SOCS7: variants seen among roughly 807,000 people sequenced by gnomAD.
SOCS7 encodes suppressor of cytokine signaling 7.
SOCS7 carries 18 observed loss-of-function variants against 58.9 expected under a neutral mutation model. The observed-to-expected ratio is 0.31, with a 90% CI of 0.21 to 0.45. The LOEUF (loss-of-function observed/expected upper bound fraction) is 0.45. SOCS7 is among the 20% of genes least tolerant of loss of function. The pLI, the probability that SOCS7 is intolerant of heterozygous loss-of-function variation, is 1.00. For missense variants in SOCS7, 667 were observed against 837.3 expected, an observed-to-expected ratio of 0.80 and a Z score of 2.51; for synonymous variants, 388 against 364.3, an observed-to-expected ratio of 1.06 and a Z score of -0.74.
intron 6 of SOCS7, among the ~76,000 whole-genome samples, chr17:38,369,674 CT>C (rs11299884): frequency 2.5e-3 from 317 of 125,962 alleles, no homozygotes; most frequent in East Asian, 3.7e-3. Flanking sequence ...TCTCCGATTA[CT>C]TTTTTTTTTT....
rs2037565103 is a variant in SOCS7 at position 38,352,361 on chromosome 17, C to T, written c.309C>T (p.Ala103=). The T allele has an allele frequency of 6.9e-7, 1 of 1,451,396 alleles. No homozygotes were observed. The highest frequency in any genetic ancestry group is 9.0e-7 in the Non-Finnish European group (1 of 1,113,772). 89.9% of individuals were successfully genotyped at this position (1,451,396 alleles called of 1,614,324 possible). A position where few individuals can be genotyped will look rare whatever the true frequency, so the allele number is the denominator to read the frequency against. ...ACCGCTGTGCCCTGGACCCCAAGGCCCTGCCGCCGGGCTTGGCGCTCGAGC... is the reference window on the plus strand; with the variant it reads ...ACCGCTGTGCCCTGGACCCCAAGGCTCTGCCGCCGGGCTTGGCGCTCGAGC... ...PRHRCALDPK[A]LPPGLALERT... Residue 103 remains alanine (A), a synonymous_variant, in exon 1 of 10, where the codon GCC becomes GCT. Transcript: ENST00000612932. This position sits in a 1 kb window ranked among gnomAD's most constrained non-coding sequence, Gnocchi z 5.5.
At chr17:38,388,090 TTTAATTCATTACAGTTATAATTA>T (rs1345347904) in intron 7 of SOCS7, among the ~76,000 whole-genome samples, 1 of 152,132 alleles carries the variant, frequency 6.6e-6, no homozygotes, top group Non-Finnish European at 1.5e-5. Context: ...CTTAATGGCT[TTTAATTCATTACAGTTATAATTA>T]TTGAAGCTCG....
chr17:38,373,413 T>C (rs577459119), intron 6 of SOCS7, among the ~76,000 whole-genome samples: 1 of 152,270 alleles, frequency 6.6e-6, no homozygotes, highest in Non-Finnish European at 1.5e-5. Context: ...AAGTGCCCTA[T>C]TCTGGGGAAA....
rs2037561593 is a variant in SOCS7, at chr17:38,352,160, T to TCCGCCACCGCCCCCGGGCCATGGCCCC, written c.114_140dup (p.Pro41_Pro49dup). The TCCGCCACCGCCCCCGGGCCATGGCCCC allele has an allele frequency of 8.3e-7, 1 of 1,200,934 alleles. No homozygotes were observed. The highest frequency in any genetic ancestry group is 1.6e-5 in the African/African-American group (1 of 61,876). 74.4% of individuals were successfully genotyped at this position (1,200,934 alleles called of 1,614,324 possible). A position where few individuals can be genotyped will look rare whatever the true frequency, so the allele number is the denominator to read the frequency against. Reference sequence around the variant, plus strand: ...GAGAGGCGGCCCCCGAGCCAGGCCCTCCGCCACCGCCCCCGGGCCATGGCC... The same window carrying TCCGCCACCGCCCCCGGGCCATGGCCCC: ...GAGAGGCGGCCCCCGAGCCAGGCCCTCCGCCACCGCCCCCGGGCCATGGCCCCCCGCCACCGCCCCCGGGCCATGGCC... On this transcript the variant is annotated inframe_insertion, in exon 1 of 10. Coordinates refer to ENST00000612932, the MANE Select transcript of SOCS7 (RefSeq NM_014598.4). This position sits in a 1 kb window ranked among gnomAD's most constrained non-coding sequence, Gnocchi z 5.5.
rs2038191137 is a variant in SOCS7 at position 38,392,977 on chromosome 17, A to G, written c.1682-2332A>G. 2.6e-5 allele frequency among the ~76,000 whole-genome samples: 4 copies of G among 152,106 alleles called. No homozygotes were observed. In the South Asian group the frequency reaches 8.3e-4, roughly 32 times the overall value. ...GGGATGGTGGTGTTTGCCTCAAAGT[A>G]TAGTTTTAAAGACTAAATAAGTTAT... On this transcript the variant is annotated intron_variant, in intron 7 of 9. Transcript: ENST00000612932.
At chr17:38,356,521 C>T (rs763098012) in intron 1 of SOCS7, among the ~76,000 whole-genome samples, 23 of 151,864 alleles carry the variant, frequency 1.5e-4, no homozygotes, top group South Asian at 4.2e-4. Flanking sequence ...CACGCCACCA[C>T]GCCTGGCTAA....
intron 6 of SOCS7, among the ~76,000 whole-genome samples, chr17:38,374,158 T>C (rs1271521806): frequency 6.6e-6 from 1 of 152,222 alleles, no homozygotes; most frequent in African/African-American, 2.4e-5. Context: ...AGGTGGAGGT[T>C]ACAGTGAGCC....
At chr17:38,375,464 ATTTTCTTAATAGTG>A (rs1469242943) in intron 6 of SOCS7, among the ~76,000 whole-genome samples, 1 of 151,974 alleles carries the variant, frequency 6.6e-6, no homozygotes, top group African/African-American at 2.4e-5. Context: ...ATTTTCTCTT[ATTTTCTTAATAGTG>A]TTTTCTTAAT....
At chr17:38,368,993 C>G (rs564784061) in intron 6 of SOCS7, among the ~76,000 whole-genome samples, 1 of 152,316 alleles carries the variant, frequency 6.6e-6, no homozygotes, top group South Asian at 2.1e-4. Context: ...TGCCTAGAAG[C>G]CGACTTGTTA....
rs553257728 is a variant in SOCS7 at position 38,405,443 on chromosome 17, AC to A, written c.*5965del. On this transcript the variant is annotated 3_prime_UTR_variant, in exon 10 of 10. Transcript: ENST00000612932. ...TAGCTGCTGCAGGTCCTGTTTGGAA[AC>A]CCCATGTACAATTCCCAGTTTTTTG... 424 of 151,240 alleles carry A rather than the reference AC, an allele frequency of 2.8e-3. 1 individual carries two copies. Among genetic ancestry groups the A allele is most frequent in the Non-Finnish European group, 4.7e-3 (322 of 67,798 alleles). 9.4% of individuals were successfully genotyped at this position (151,240 alleles called of 1,614,324 possible).
chr17:38,363,338 G>A (rs7222985), intron 2 of SOCS7, among the ~76,000 whole-genome samples: 15,669 of 151,996 alleles, frequency 0.1, 1,264 homozygotes, highest in African/African-American at 0.23. Context: ...TCCACTGATG[G>A]CTTTTGTTTA....
At chr17:38,367,063 G>C (rs1484043147) in intron 5 of SOCS7, among the ~76,000 whole-genome samples, 4 of 152,060 alleles carry the variant, frequency 2.6e-5, no homozygotes, top group Admixed American at 1.3e-4. Flanking sequence ...TGTTGTTGTT[G>C]TTGTCTTGTT....
At position 38,352,230 on chromosome 17, in the gene SOCS7, C is replaced by A; in HGVS notation, c.178C>A (p.Arg60=). ...FLARPGPRGS[R]PPQLMVFRNV... The stretch of plus-strand genomic sequence containing the variant: ...CGCGCGGCCCGGCCCGCGGGGCTCC[C>A]GGCCGCCGCAGCTGATGGTGTTCCG... The change falls in exon 1 of 10, where the codon CGG becomes AGG. Residue 60 remains arginine (R), a synonymous_variant. Transcript: ENST00000612932. The surrounding 1 kb of genome is among the most constrained non-coding windows in gnomAD (Gnocchi z 5.5). The A allele has an allele frequency of 7.3e-7, 1 of 1,378,698 alleles. No individual in the cohort carries two copies. The highest frequency in any genetic ancestry group is 9.3e-7 in the Non-Finnish European group (1 of 1,073,152). The allele number at this position is 1,378,698 out of a possible 1,614,324, so 85.4% of individuals were successfully genotyped here.
intron 7 of SOCS7, among the ~76,000 whole-genome samples, chr17:38,388,114 T>C (rs118115764): frequency 1.4e-3 from 220 of 152,232 alleles, no homozygotes; most frequent in Non-Finnish European, 2.5e-3. Flanking sequence ...GTTATAATTA[T>C]TGAAGCTCGT....
rs1279492611 is a variant in SOCS7 at position 38,399,628 on chromosome 17, A to G, written c.*146A>G. ...CTCTGTGCAGAGACTTTGGTTCCCC[A>G]CGCAGCCCTGGGGCTTGGAAGAAGC... On this transcript the variant is annotated 3_prime_UTR_variant, in exon 10 of 10. Coordinates refer to ENST00000612932, the MANE Select transcript of SOCS7 (RefSeq NM_014598.4). 6.6e-6 allele frequency: 1 copy of G among 152,666 alleles called. No homozygotes were observed. Among genetic ancestry groups the G allele is most frequent in the African/African-American group, 2.4e-5 (1 of 41,454 alleles). 9.5% of individuals were successfully genotyped at this position (152,666 alleles called of 1,614,324 possible).
At chr17:38,389,839 A>T (rs1597709667) in intron 7 of SOCS7, among the ~76,000 whole-genome samples, 1 of 125,872 alleles carries the variant, frequency 7.9e-6, no homozygotes, top group Admixed American at 8.5e-5. Flanking sequence ...TTTGTTTTTT[A>T]ATTTTTTTGT....
intron 5 of SOCS7, among the ~76,000 whole-genome samples, chr17:38,366,942 A>G (rs768726040): frequency 2.6e-5 from 4 of 152,258 alleles, no homozygotes; most frequent in Non-Finnish European, 5.9e-5. Context: ...TGTTGGAGAA[A>G]TGTTTTACAT....
Position 38,405,527 on chromosome 17 carries a change from C to T in SOCS7, c.*6045C>T, listed in dbSNP as rs1273697940. Reference sequence around the variant, plus strand: ...TGTTTGTATCTCCTTTTTATGATTGCTGTACCTACCCATGTCTTTTTGGGG... The same window carrying T: ...TGTTTGTATCTCCTTTTTATGATTGTTGTACCTACCCATGTCTTTTTGGGG... On this transcript the variant is annotated 3_prime_UTR_variant, in exon 10 of 10. Coordinates refer to ENST00000612932, the MANE Select transcript of SOCS7 (RefSeq NM_014598.4). 1.3e-5 allele frequency: 2 copies of T among 152,128 alleles called. No homozygotes were observed. Among genetic ancestry groups the T allele is most frequent in the African/African-American group, 2.4e-5 (1 of 41,428 alleles). The allele number at this position is 152,128 out of a possible 1,614,324, so 9.4% of individuals were successfully genotyped here. A position where few individuals can be genotyped will look rare whatever the true frequency, so the allele number is the denominator to read the frequency against.
Position 38,352,272 on chromosome 17 carries a change from C to T in SOCS7, c.220C>T (p.Pro74Ser), listed in dbSNP as rs1291681442. Residue 74 changes from proline to serine, a missense_variant, in exon 1 of 10, where the codon CCG becomes TCG. By Grantham distance (74) the Pro-to-Ser change is moderately conservative (BLOSUM62 -1). Transcript: ENST00000612932. The surrounding 1 kb of genome is among the most constrained non-coding windows in gnomAD (Gnocchi z 5.5). ...LMVFRNVGRP[P>S]EEEDVEAAPE... ...GGTGTTCCGCAACGTGGGTCGGCCG[C>T]CGGAGGAGGAGGACGTGGAGGCGGC... The T allele has an allele frequency of 1.4e-6, 2 of 1,480,022 alleles. No homozygotes were observed. The highest frequency in any genetic ancestry group is 1.3e-5 in the South Asian group (1 of 77,194). 91.7% of individuals were successfully genotyped at this position (1,480,022 alleles called of 1,614,324 possible).
Sources: allele counts gnomAD v4.1 joint callset (sites outside exome capture counted in the v4.1 genomes callset), GRCh38; gene constraint gnomAD v4.1.1; non-coding constraint Gnocchi (gnomAD v3.1); transcripts MANE v1.5; gene names NCBI Gene and HGNC (gene_info 2026-07-23, HGNC 2026-07-21).